The following LMNB2 variants were observed in gnomAD, a reference collection of about 807,000 sequenced individuals.
The protein encoded by LMNB2 is lamin-B2.
Under a neutral mutation model 69.3 loss-of-function variants are expected in LMNB2, and 17 were observed. The observed-to-expected ratio is 0.25, with a 90% CI of 0.17 to 0.37. The LOEUF is 0.37. LMNB2 is among the 10% of genes least tolerant of loss of function. The pLI is 1.00. For missense variants in LMNB2, 789 were observed against 883.6 expected, an observed-to-expected ratio of 0.89 and a Z score of 1.36; for synonymous variants, 397 against 389.3, an observed-to-expected ratio of 1.02 and a Z score of -0.23.
intron 1 of LMNB2, among the ~76,000 whole-genome samples, chr19:2,454,363 C>T (rs1887959135): frequency 6.6e-6 from 1 of 151,904 alleles, no homozygotes; most frequent in African/African-American, 2.4e-5. Flanking sequence ...TTCTACCTCC[C>T]TGAAGGCACC....
chr19:2,453,741 G>A lies in LMNB2; in HGVS notation c.264+2929C>T, dbSNP rs572496754. On this transcript the variant is annotated intron_variant, in intron 1 of 11. Coordinates refer to ENST00000325327, the MANE Select transcript of LMNB2 (RefSeq NM_032737.4). This position sits in a 1 kb window ranked among gnomAD's most constrained non-coding sequence, Gnocchi z 4.4. ...AGGCTCCCTCTAGGGCACAGGGCCGGTCCAATGGGGCGTCCAGTGGGGCTG... is the reference window on the plus strand; with the variant it reads ...AGGCTCCCTCTAGGGCACAGGGCCGATCCAATGGGGCGTCCAGTGGGGCTG... Among the ~76,000 whole-genome samples, 4 of 152,274 alleles carry A rather than the reference G, an allele frequency of 2.6e-5. No individual in the cohort carries two copies. The South Asian group carries it at 8.3e-4, about 32-fold the overall frequency.
Position 2,440,283 on chromosome 19 carries a change from C to T in LMNB2, c.402-1752G>A, listed in dbSNP as rs376515364. ...TCGGTTCACTGCAACCTCCACCTCC[C>T]GGGTTCAAGCGATTCTCCTCCCTCA... is the stretch of plus-strand genomic sequence containing the variant. On this transcript the variant is annotated intron_variant, in intron 2 of 11. Transcript: ENST00000325327. Among the ~76,000 whole-genome samples, 22 of 151,892 alleles carry T rather than the reference C, an allele frequency of 1.4e-4. No individual in the cohort carries two copies. The South Asian group carries it at 1.7e-3, about 12-fold the overall frequency.
chr19:2,434,051 C>A lies in LMNB2; in HGVS notation c.1257G>T (p.Ser419=). The A allele has an allele frequency of 6.2e-7, 1 of 1,600,102 alleles. No homozygotes were observed. Among genetic ancestry groups the A allele is most frequent in the Non-Finnish European group, 8.5e-7 (1 of 1,174,740 alleles). The change falls in exon 8 of 12, where the codon TCG becomes TCT. Residue 419 remains serine, a synonymous_variant. Transcript: ENST00000325327. ...TGGCGGACAAGCTGCCGCTGCTGCT[C>A]GAGGTGGCTCGTGAGACGGTGACGC... ...SSRVTVSRAT[S]SSSGSLSATG... is the part of the protein sequence containing the mutation.
chr19:2,449,661 C>T (rs1383102154), intron 1 of LMNB2, among the ~76,000 whole-genome samples: 3 of 151,778 alleles, frequency 2.0e-5, no homozygotes, highest in African/African-American at 7.3e-5. Flanking sequence ...CCTGTAATCC[C>T]AGCTACTCGG....
Position 2,447,091 on chromosome 19 carries a change from CCGA to C in LMNB2, c.265-2554_265-2552del, listed in dbSNP as rs1971965021. Among the ~76,000 whole-genome samples, 1 of 82,708 alleles carries C rather than the reference CCGA, an allele frequency of 1.2e-5. No homozygotes were observed. Among genetic ancestry groups the C allele is most frequent in the East Asian group, 2.5e-4 (1 of 4,024 alleles). 54.3% of individuals were successfully genotyped at this position (82,708 alleles called of 152,430 possible). On this transcript the variant is annotated intron_variant, in intron 1 of 11. Coordinates refer to ENST00000325327, the MANE Select transcript of LMNB2 (RefSeq NM_032737.4). The surrounding 1 kb of genome is among the most constrained non-coding windows in gnomAD (Gnocchi z 4.4). ...CCCGGGAGGTGGAACTTGCAGTGAGCCGAGATCGCACCACTGCCCTCCAGCCTG... is the reference window on the plus strand; with the variant it reads ...CCCGGGAGGTGGAACTTGCAGTGAGCGATCGCACCACTGCCCTCCAGCCTG...
At chr19:2,455,090 G>A (rs773779687) in intron 1 of LMNB2, among the ~76,000 whole-genome samples, 2 of 151,856 alleles carry the variant, frequency 1.3e-5, no homozygotes, top group South Asian at 2.1e-4. Flanking sequence ...CAAATTTCCC[G>A]TGGGACCCCA....
intron 4 of LMNB2, among the ~76,000 whole-genome samples, chr19:2,436,578 T>C (rs1377027759): frequency 3.5e-4 from 15 of 43,188 alleles, no homozygotes; most frequent in East Asian, 1.2e-3. Flanking sequence ...CCTTCACGGC[T>C]GCGCACCCAC....
In LMNB2 at chr19:2,430,175, C is replaced by G. The variant is rs994297246; in HGVS notation, c.*736G>C. 1 of 155,716 alleles carries G rather than the reference C, an allele frequency of 6.4e-6. No individual in the cohort carries two copies. The highest frequency in any genetic ancestry group is 2.4e-5 in the African/African-American group (1 of 41,480). The allele number at this position is 155,716 out of a possible 1,614,324, so 9.6% of individuals were successfully genotyped here. On this transcript the variant is annotated 3_prime_UTR_variant, in exon 12 of 12. Coordinates refer to ENST00000325327, the MANE Select transcript of LMNB2 (RefSeq NM_032737.4). ...CTGCTTATTGTTGTGACAGGTCTTA[C>G]GACGGGACTGTCCTCATTCTTCCTT...
intron 7 of LMNB2, 80 bp from the exon 8 acceptor site, chr19:2,434,185 C>T (rs1172556444): frequency 1.8e-5 from 28 of 1,539,274 alleles, no homozygotes; most frequent in African/African-American, 2.7e-5. Flanking sequence ...GGCCACGGCC[C>T]GGCCCCACCT....
intron 1 of LMNB2, among the ~76,000 whole-genome samples, chr19:2,454,683 C>T (rs143536821): frequency 7.6e-4 from 115 of 152,278 alleles, no homozygotes; most frequent in African/African-American, 2.6e-3. Context: ...ATCCCGACTT[C>T]GGCACCCAGC....
rs371996134 is a variant in LMNB2 at position 2,434,986 on chromosome 19, G to A, written c.855+15C>T. 4 of 691,350 alleles carry A rather than the reference G, an allele frequency of 5.8e-6. No individual in the cohort carries two copies. Among genetic ancestry groups the A allele is most frequent in the South Asian group, 1.4e-5 (1 of 74,036 alleles). 42.8% of individuals were successfully genotyped at this position (691,350 alleles called of 1,614,324 possible). On this transcript the variant is annotated intron_variant, in intron 5 of 11. Transcript: ENST00000325327. ...TCCCACCGGCCGCCCCCGCCCACCC[G>A]CCTGCCGGCCACACCTTGGCCTGGT... is the stretch of plus-strand genomic sequence containing the variant.
intron 2 of LMNB2, among the ~76,000 whole-genome samples, chr19:2,442,300 A>T (rs918951199): frequency 2.0e-5 from 3 of 152,066 alleles, no homozygotes; most frequent in African/African-American, 7.2e-5. Flanking sequence ...TACAAATAAT[A>T]AAAAAATTAG....
intron 4 of LMNB2, among the ~76,000 whole-genome samples, chr19:2,436,490 C>T (rs907407197): frequency 2.4e-4 from 37 of 152,124 alleles, no homozygotes; most frequent in African/African-American, 8.7e-4. Flanking sequence ...AAGCAGAGCC[C>T]TGCGGGCCGC....
In LMNB2 at chr19:2,430,744, G is replaced by A. The variant is rs963907724; in HGVS notation, c.*167C>T. The stretch of plus-strand genomic sequence containing the variant: ...GGCGAAGTGGCAGCGAAGTGAGGCT[G>A]GAGGAGACCCGCCAGGAGGGAGGGC... On this transcript the variant is annotated 3_prime_UTR_variant, in exon 12 of 12. Transcript: ENST00000325327. The A allele has an allele frequency of 4.2e-6, 3 of 706,904 alleles. No homozygotes were observed. The highest frequency in any genetic ancestry group is 3.5e-5 in the African/African-American group (2 of 57,076). The allele number at this position is 706,904 out of a possible 1,614,324, so 43.8% of individuals were successfully genotyped here. A position where few individuals can be genotyped will look rare whatever the true frequency, so the allele number is the denominator to read the frequency against.
intron 2 of LMNB2, among the ~76,000 whole-genome samples, chr19:2,444,074 G>C (rs1045152391): frequency 8.5e-5 from 13 of 152,158 alleles, no homozygotes; most frequent in Non-Finnish European, 1.9e-4. Context: ...TGCCGCCCGG[G>C]GTCTAGGTAA....
chr19:2,455,233 A>C (rs1462266036), intron 1 of LMNB2, among the ~76,000 whole-genome samples: 2 of 151,956 alleles, frequency 1.3e-5, no homozygotes. Context: ...GGGAGAACTG[A>C]GACCACGTGA....
At chr19:2,444,967 G>A (rs1971938677) in intron 1 of LMNB2, among the ~76,000 whole-genome samples, 1 of 152,214 alleles carries the variant, frequency 6.6e-6, no homozygotes, top group Admixed American at 6.5e-5. Flanking sequence ...GCAGCCCCTT[G>A]GCCGCTGTCA....
intron 1 of LMNB2, among the ~76,000 whole-genome samples, chr19:2,446,692 C>A (rs1971960003): frequency 6.6e-6 from 1 of 152,228 alleles, no homozygotes; most frequent in Non-Finnish European, 1.5e-5. Flanking sequence ...GAAATCGGAA[C>A]CTCACAGGCA....
chr19:2,451,899 C>G (rs767752524), intron 1 of LMNB2, among the ~76,000 whole-genome samples: 1 of 152,050 alleles, frequency 6.6e-6, no homozygotes, highest in Non-Finnish European at 1.5e-5. Flanking sequence ...GAGACCCCCT[C>G]CAGCAGCCCT....
Sources: gnomAD v4.1 joint callset for allele counts (sites outside exome capture counted in the v4.1 genomes callset) on GRCh38, gnomAD v4.1.1 for gene constraint, Gnocchi (gnomAD v3.1) non-coding constraint, MANE v1.5 for transcripts, NCBI Gene and HGNC (gene_info 2026-07-23, HGNC 2026-07-21) for gene names.